CYP39A1: variants seen among roughly 807,000 people sequenced by gnomAD.
CYP39A1 encodes cytochrome P450 family 39 subfamily A member 1.
A neutral mutation model predicts 58.1 loss-of-function variants in CYP39A1; 49 were observed. That is an observed-to-expected ratio of 0.84 (90% CI 0.67 to 1.07). The LOEUF (loss-of-function observed/expected upper bound fraction) is 1.07, where lower values mean the gene tolerates loss of function less well. Among genes scored for constraint, CYP39A1 ranks in the 50% least tolerant of loss-of-function variants. The probability of loss-of-function intolerance (pLI) is 0.00; values close to 1 mark genes in which losing one functional copy is unlikely to be tolerated. For missense variants in CYP39A1, 531 were observed against 539.4 expected (o/e 0.98, Z 0.16); for synonymous variants, 209 against 187.6 (o/e 1.11, Z -0.93).
intron 5 of CYP39A1, among the ~76,000 whole-genome samples, chr6:46,634,911 G>A (rs1332739149): frequency 6.6e-6 from 1 of 152,178 alleles, no homozygotes; most frequent in African/African-American, 2.4e-5. Context: ...TTATATACAT[G>A]TGCTTTTGCC....
chr6:46,588,087 A>C lies in CYP39A1; in HGVS notation c.1108T>G (p.Phe370Val), dbSNP rs763522323. 64 of 1,602,472 alleles carry C rather than the reference A, an allele frequency of 4.0e-5. No individual in the cohort carries two copies. Among genetic ancestry groups the C allele is most frequent in the Non-Finnish European group, 5.2e-5 (61 of 1,174,342 alleles). ...TACTTTGGATTTCTATGCAGCCAAAATGGAGACAACATCAACAAGTCACCA... is the reference window on the plus strand; with the variant it reads ...TACTTTGGATTTCTATGCAGCCAAACTGGAGACAACATCAACAAGTCACCA... ...PSGDLLMLSP[F>V]WLHRNPKYFP... is the part of the protein sequence containing the mutation. The change falls in exon 9 of 12, where the codon TTT (phenylalanine) becomes GTT (valine). Residue 370 changes from phenylalanine to valine, a missense_variant. Phe to Val is a conservative substitution (Grantham distance 50, BLOSUM62 -1). Coordinates refer to ENST00000275016, the MANE Select transcript of CYP39A1 (RefSeq NM_016593.5).
intron 10 of CYP39A1, among the ~76,000 whole-genome samples, chr6:46,561,663 A>C (rs1238685868): frequency 1.3e-5 from 2 of 152,100 alleles, no homozygotes; most frequent in Non-Finnish European, 2.9e-5. Context: ...GATTGTGCTG[A>C]TTGAACAATT....
chr6:46,553,818 A>T lies in CYP39A1; in HGVS notation c.1287T>A (p.Ile429=), dbSNP rs768466302. 4 of 1,610,754 alleles carry T rather than the reference A, an allele frequency of 2.5e-6. No homozygotes were observed. ...FALLEVQMCI[I]LILYKYDCSL... ...TACAGTCATATTTATAAAGTATTAA[A>T]ATAATACACATCTGAACCTCTAACA... The change falls in exon 11 of 12, where the codon ATT becomes ATA. Residue 429 remains isoleucine, a synonymous_variant. Coordinates refer to ENST00000275016, the MANE Select transcript of CYP39A1 (RefSeq NM_016593.5).
chr6:46,608,515 A>T (rs760243752), intron 7 of CYP39A1, among the ~76,000 whole-genome samples: 1 of 152,154 alleles, frequency 6.6e-6, no homozygotes, highest in Non-Finnish European at 1.5e-5. Flanking sequence ...TCCATTTTTT[A>T]AAATTATATA....
intron 3 of CYP39A1, among the ~76,000 whole-genome samples, chr6:46,638,542 A>T (rs1433137958): frequency 6.6e-6 from 1 of 152,200 alleles, no homozygotes; most frequent in Non-Finnish European, 1.5e-5. Flanking sequence ...ACATGCCTTA[A>T]AACACTTAAT....
chr6:46,559,773 TCTC>T (rs1362165772), intron 10 of CYP39A1, among the ~76,000 whole-genome samples: 4 of 152,066 alleles, frequency 2.6e-5, no homozygotes, highest in Non-Finnish European at 4.4e-5. Flanking sequence ...TTTTCTCTCT[TCTC>T]CTTTGAAAAA....
intron 10 of CYP39A1, among the ~76,000 whole-genome samples, chr6:46,564,087 GTTT>G (rs148402829): frequency 2.1e-5 from 3 of 141,998 alleles, no homozygotes; most frequent in African/African-American, 5.4e-5. Context: ...GACCTAGTTT[GTTT>G]TTTATTTTGT....
chr6:46,600,435 G>A (rs1169238235), intron 7 of CYP39A1, among the ~76,000 whole-genome samples: 4 of 151,806 alleles, frequency 2.6e-5, no homozygotes, highest in Non-Finnish European at 4.4e-5. Context: ...AGCCCCTTTC[G>A]ATTACACCTG....
At chr6:46,622,420 C>T (rs768912331) in intron 7 of CYP39A1, among the ~76,000 whole-genome samples, 96 of 151,996 alleles carry the variant, frequency 6.3e-4, no homozygotes, top group Non-Finnish European at 1.3e-3. Context: ...AACCTGAGAA[C>T]GCACTTCTAC....
At chr6:46,650,484 CTTTTTTTTTTTTTTTTTTTTT>C (rs567314746) in intron 1 of CYP39A1, among the ~76,000 whole-genome samples, 9 of 35,192 alleles carry the variant, frequency 2.6e-4, no homozygotes, top group Middle Eastern at 0.031. Context: ...CAGTCATATT[CTTTTTTTTTTTTTTTTTTTTT>C]TTTTTTTTTT....
Position 46,549,677 on chromosome 6 carries a change from T to G in CYP39A1, c.*689A>C, listed in dbSNP as rs1170821894. The G allele has an allele frequency of 6.6e-6, 1 of 152,174 alleles. No homozygotes were observed. Among genetic ancestry groups the G allele is most frequent in the Non-Finnish European group, 1.5e-5 (1 of 68,026 alleles). The allele number at this position is 152,174 out of a possible 1,614,324, so 9.4% of individuals were successfully genotyped here. A position where few individuals can be genotyped will look rare whatever the true frequency, so the allele number is the denominator to read the frequency against. On this transcript the variant is annotated 3_prime_UTR_variant, in exon 12 of 12. Coordinates refer to ENST00000275016, the MANE Select transcript of CYP39A1 (RefSeq NM_016593.5). ...CAAACACTTTGAGTCAAAACAATGC[T>G]TCCAGGTTAATTAAAATATAAATCA...
chr6:46,636,530 G>T, intron 4 of CYP39A1, 48 bp from the exon 5 acceptor site: 1 of 1,184,054 alleles, frequency 8.4e-7, no homozygotes, highest in Non-Finnish European at 1.2e-6. Context: ...AGCACTTTAG[G>T]AATAACAGGT....
intron 7 of CYP39A1, among the ~76,000 whole-genome samples, chr6:46,609,421 AAAAAAAAAG>A (rs1417477550): frequency 6.6e-5 from 10 of 152,024 alleles, no homozygotes; most frequent in Admixed American, 6.5e-4. Flanking sequence ...TCTCAAAAAA[AAAAAAAAAG>A]AAAAAAAAGA....
chr6:46,619,332 T>C (rs959570728), intron 7 of CYP39A1, among the ~76,000 whole-genome samples: 8 of 152,186 alleles, frequency 5.3e-5, no homozygotes, highest in Non-Finnish European at 1.0e-4. Flanking sequence ...TAAATAGTTG[T>C]TGAATAATTT....
At chr6:46,595,406 T>C (rs1392685211) in intron 8 of CYP39A1, among the ~76,000 whole-genome samples, 2 of 151,960 alleles carry the variant, frequency 1.3e-5, no homozygotes, top group Non-Finnish European at 2.9e-5. Flanking sequence ...ATTTAACCTT[T>C]AAAAAGAAGG....
intron 7 of CYP39A1, among the ~76,000 whole-genome samples, chr6:46,623,776 A>C (rs532341674): frequency 1.2e-3 from 181 of 152,226 alleles, no homozygotes; most frequent in African/African-American, 4.1e-3. Flanking sequence ...TCAGCTTCCA[A>C]AGATCTGTGG....
intron 10 of CYP39A1, among the ~76,000 whole-genome samples, chr6:46,571,210 A>G (rs1771569686): frequency 6.6e-6 from 1 of 152,092 alleles, no homozygotes; most frequent in Admixed American, 6.6e-5. Flanking sequence ...CTGTTGGATG[A>G]AATGTTCTGT....
At chr6:46,617,634 T>C (rs139607317) in intron 7 of CYP39A1, among the ~76,000 whole-genome samples, 173 of 152,298 alleles carry the variant, frequency 1.1e-3, no homozygotes, top group Middle Eastern at 6.8e-3. Flanking sequence ...CTGATTTGTA[T>C]TGTCAACTTT....
intron 10 of CYP39A1, among the ~76,000 whole-genome samples, chr6:46,560,015 G>T (rs1770890436): frequency 6.6e-6 from 1 of 152,118 alleles, no homozygotes; most frequent in African/African-American, 2.4e-5. Context: ...AATAAGAACA[G>T]GAAAGAAAGT....
Sources: allele counts gnomAD v4.1 joint callset (sites outside exome capture counted in the v4.1 genomes callset), GRCh38; gene constraint gnomAD v4.1.1; transcripts MANE v1.5; gene names NCBI Gene and HGNC (gene_info 2026-07-23, HGNC 2026-07-21).